The following REPS2 variants were observed in gnomAD, a reference collection of about 807,000 sequenced individuals.
The protein encoded by REPS2 is ralBP1-associated Eps domain-containing protein 2.
Under a neutral mutation model 53.6 loss-of-function variants are expected in REPS2, and 23 were observed. That is an observed-to-expected ratio of 0.43 (90% CI 0.31 to 0.61). The LOEUF is 0.61. Among genes scored for constraint, REPS2 ranks in the 20% least tolerant of loss-of-function variants. The pLI, the probability that REPS2 is intolerant of heterozygous loss-of-function variation, is 0.11. For synonymous variants in REPS2, 238 were observed against 218.6 expected (o/e 1.09, Z -0.78); for missense variants, 446 against 534.9 (o/e 0.83, Z 1.64).
the REPS2 span, among the ~76,000 whole-genome samples, chrX:17,194,145 G>A: frequency 3.6e-4 from 40 of 111,716 alleles, no homozygotes; most frequent in African/African-American, 1.3e-3. Flanking sequence ...TTGTGTGACC[G>A]TAGCATGTTA....
intron 1 of REPS2, among the ~76,000 whole-genome samples, chrX:17,001,011 C>T (rs1022628090): frequency 9.0e-6 from 1 of 111,694 alleles, no homozygotes; most frequent in Non-Finnish European, 1.9e-5. Context: ...AATTTGTGAC[C>T]TTGAACATAT....
At chrX:17,101,988 G>A in intron 13 of REPS2, among the ~76,000 whole-genome samples, 1 of 110,819 alleles carries the variant, frequency 9.0e-6, no homozygotes, top group Non-Finnish European at 1.9e-5. Flanking sequence ...CAATTGCTTG[G>A]CCTTTCCCTT....
intron 1 of REPS2, among the ~76,000 whole-genome samples, chrX:16,964,455 C>T (rs1462946747): frequency 1.2e-4 from 13 of 108,510 alleles, no homozygotes; most frequent in African/African-American, 4.4e-4. Context: ...GGCAACCATC[C>T]GATTTCTCAA....
chrX:17,181,345 G>A, the REPS2 span, among the ~76,000 whole-genome samples: 1 of 113,045 alleles, frequency 8.8e-6, no homozygotes, highest in Admixed American at 9.3e-5. Flanking sequence ...TGCAATGTTT[G>A]TGGAGCTGGT....
At chrX:17,170,910 G>A in the REPS2 span, among the ~76,000 whole-genome samples, 3 of 112,948 alleles carry the variant, frequency 2.7e-5, no homozygotes, top group East Asian at 8.4e-4. Flanking sequence ...TGTGACATTG[G>A]TTGGCTTGGC....
the REPS2 span, among the ~76,000 whole-genome samples, chrX:17,158,504 T>C: frequency 8.9e-6 from 1 of 111,732 alleles, no homozygotes; most frequent in Non-Finnish European, 1.9e-5. Context: ...CAATAAAGCT[T>C]CTAGAAGAAT....
At chrX:17,173,075 A>T in the REPS2 span, among the ~76,000 whole-genome samples, 3 of 111,218 alleles carry the variant, frequency 2.7e-5, no homozygotes, top group Admixed American at 2.9e-4. Context: ...ATCTAAAATA[A>T]TACCTCTATT....
chrX:17,121,526 CT>C lies in REPS2; in HGVS notation c.1579-12295del, dbSNP rs1275179099. 2.7e-5 allele frequency among the ~76,000 whole-genome samples: 3 copies of C among 111,825 alleles called. No homozygotes were observed. In the East Asian group the frequency reaches 8.4e-4, roughly 31 times the overall value. On this transcript the variant is annotated intron_variant, in intron 14 of 17. Coordinates refer to ENST00000357277, the MANE Select transcript of REPS2 (RefSeq NM_004726.3). ...GTGCCAGGCAACAAGAGCTTTTTTT[CT>C]TTATGTATCATGCCAGTGATTTTAG...
Position 17,022,535 on chromosome X carries a change from G to T in REPS2, c.546+264G>T, listed in dbSNP as rs750731640. Among the ~76,000 whole-genome samples the T allele has an allele frequency of 4.4e-5, 5 of 112,378 alleles. No individual in the cohort carries two copies. In the South Asian group the frequency reaches 1.1e-3, roughly 25 times the overall value. On this transcript the variant is annotated intron_variant, in intron 3 of 17. Coordinates refer to ENST00000357277, the MANE Select transcript of REPS2 (RefSeq NM_004726.3). The stretch of plus-strand genomic sequence containing the variant: ...AGGCTACCGATTTAATACATTTATT[G>T]ATTTCACTAGCTCAGTGGTTTTCTA...
rs1263696166 is a variant in REPS2 at position 17,039,271 on chromosome X, T to C, written c.772-8076T>C. On this transcript the variant is annotated intron_variant, in intron 5 of 17. Transcript: ENST00000357277. Reference sequence around the variant, plus strand: ...AAAAGTGCCCTTCTGGAACAGCAAATCTTGGCCCCTGAGGGGAGAATTGGA... The same window carrying C: ...AAAAGTGCCCTTCTGGAACAGCAAACCTTGGCCCCTGAGGGGAGAATTGGA... Among the ~76,000 whole-genome samples, 3 of 112,139 alleles carry C rather than the reference T, an allele frequency of 2.7e-5. No individual in the cohort carries two copies. The Admixed American group carries it at 2.8e-4, about 11-fold the overall frequency.
the REPS2 span, among the ~76,000 whole-genome samples, chrX:17,158,941 T>C: frequency 1.8e-5 from 2 of 112,408 alleles, no homozygotes; most frequent in African/African-American, 6.5e-5. Context: ...AACAACAATG[T>C]AGACCTCTGT....
intron 1 of REPS2, among the ~76,000 whole-genome samples, chrX:16,982,405 A>G (rs1733464815): frequency 8.9e-6 from 1 of 112,149 alleles, no homozygotes; most frequent in Non-Finnish European, 1.9e-5. Flanking sequence ...ATGTTGCAGA[A>G]TCCCTGAAGC....
chrX:17,183,367 T>A, the REPS2 span, among the ~76,000 whole-genome samples: 1 of 111,944 alleles, frequency 8.9e-6, no homozygotes, highest in Admixed American at 9.5e-5. Flanking sequence ...ACCCCAAAAA[T>A]ATATATAATT....
intron 1 of REPS2, among the ~76,000 whole-genome samples, chrX:16,969,136 G>C (rs1399750156): frequency 9.1e-6 from 1 of 110,348 alleles, no homozygotes; most frequent in East Asian, 2.9e-4. Context: ...TGGGCGGCCG[G>C]GCAGAGACGC....
intron 14 of REPS2, among the ~76,000 whole-genome samples, chrX:17,126,794 C>G (rs765845250): frequency 3.6e-5 from 4 of 111,745 alleles, no homozygotes; most frequent in African/African-American, 6.5e-5. Context: ...TTTAGCACAA[C>G]AGGAGAGTTG....
At chrX:17,184,047 C>CT in the REPS2 span, among the ~76,000 whole-genome samples, 1 of 106,997 alleles carries the variant, frequency 9.3e-6, no homozygotes, top group Non-Finnish European at 1.9e-5. Context: ...TTTTTTTATA[C>CT]TTTAAGTTTT....
Position 17,022,118 on chromosome X carries a change from C to G in REPS2, c.398-5C>G. 1 of 1,192,262 alleles carries G rather than the reference C, an allele frequency of 8.4e-7. No individual in the cohort carries two copies. The highest frequency in any genetic ancestry group is 1.1e-6 in the Non-Finnish European group (1 of 885,190). ...CTAGAGCTTCTCTGATTTCTGGTCCCAAAGAATTGCCTCTGCCTCGCTTTA... is the reference window on the plus strand; with the variant it reads ...CTAGAGCTTCTCTGATTTCTGGTCCGAAAGAATTGCCTCTGCCTCGCTTTA... On this transcript the variant is annotated splice_polypyrimidine_tract_variant and splice_region_variant and intron_variant, in intron 2 of 17. Transcript: ENST00000357277.
In REPS2 at chrX:16,990,795, A is replaced by T. The variant is rs182500747; in HGVS notation, c.274-15426A>T. On this transcript the variant is annotated intron_variant, in intron 1 of 17. Transcript: ENST00000357277. Reference sequence around the variant, plus strand: ...AGGAAGTGGGCAAAGGGTACATAGGATCTCTGGGTATCATTTCTTACCTCT... The same window carrying T: ...AGGAAGTGGGCAAAGGGTACATAGGTTCTCTGGGTATCATTTCTTACCTCT... 5.4e-3 allele frequency among the ~76,000 whole-genome samples: 595 copies of T among 110,593 alleles called. 2 individuals carry two copies. Among genetic ancestry groups the T allele is most frequent in the Non-Finnish European group, 8.7e-3 (461 of 52,809 alleles).
intron 5 of REPS2, among the ~76,000 whole-genome samples, chrX:17,039,666 A>G (rs1007961101): frequency 8.9e-6 from 1 of 112,160 alleles, no homozygotes; most frequent in Non-Finnish European, 1.9e-5. Context: ...GAACAGATAG[A>G]GATAACTATA....
Sources: allele counts gnomAD v4.1 joint callset (sites outside exome capture counted in the v4.1 genomes callset), GRCh38; gene constraint gnomAD v4.1.1; transcripts MANE v1.5; gene names NCBI Gene and HGNC (gene_info 2026-07-23, HGNC 2026-07-21).